Variants in CSMD3 observed in about 807,000 individuals in gnomAD.
CSMD3 encodes CUB and sushi domain-containing protein 3.
In CSMD3, 177 loss-of-function variants were observed where a neutral mutation model predicts 435.2. The ratio of observed to expected loss-of-function variants is 0.41; its 90% CI spans 0.36 to 0.46. The LOEUF is 0.46. CSMD3 is among the 20% of genes least tolerant of loss of function. CSMD3 has a pLI of 0.34. For missense variants in CSMD3, 4,265 were observed against 4,504.6 expected, an observed-to-expected ratio of 0.95 and a Z score of 1.52; for synonymous variants, 1,656 against 1,520.5, an observed-to-expected ratio of 1.09 and a Z score of -2.07.
chr8:112,661,877 C>A (rs529192976), intron 17 of CSMD3, among the ~76,000 whole-genome samples: 1 of 152,014 alleles, frequency 6.6e-6, no homozygotes, highest in African/African-American at 2.4e-5. Flanking sequence ...TCCTACTCCC[C>A]AACATCACCC....
intron 13 of CSMD3, among the ~76,000 whole-genome samples, chr8:112,702,328 T>G (rs1215894271): frequency 6.6e-6 from 1 of 152,056 alleles, no homozygotes; most frequent in African/African-American, 2.4e-5. Flanking sequence ...GAAACAGTTG[T>G]GGAATGTATA....
At chr8:113,407,161 T>A (rs1490571392) in intron 1 of CSMD3, among the ~76,000 whole-genome samples, 1 of 152,192 alleles carries the variant, frequency 6.6e-6, no homozygotes, top group Non-Finnish European at 1.5e-5. Flanking sequence ...TCCACTTATG[T>A]TAGAAACTAT....
At chr8:112,571,861 C>T (rs1233630456) in intron 24 of CSMD3, among the ~76,000 whole-genome samples, 1 of 145,806 alleles carries the variant, frequency 6.9e-6, no homozygotes, top group Non-Finnish European at 1.5e-5. Context: ...AAGACTGAAA[C>T]TCTGTCTCAA....
chr8:112,918,169 C>T (rs1187138570), intron 10 of CSMD3, among the ~76,000 whole-genome samples: 1 of 151,714 alleles, frequency 6.6e-6, no homozygotes, highest in Admixed American at 6.6e-5. Context: ...TCTAGAATAC[C>T]TACTCATGTT....
At chr8:113,185,143 A>T (rs1385333572) in intron 3 of CSMD3, among the ~76,000 whole-genome samples, 2 of 152,006 alleles carry the variant, frequency 1.3e-5, no homozygotes, top group East Asian at 3.9e-4. Context: ...GTTAACTCAA[A>T]TTTTGCCAGA....
chr8:112,960,927 T>TA (rs1457910943), intron 7 of CSMD3, among the ~76,000 whole-genome samples: 20 of 151,744 alleles, frequency 1.3e-4, no homozygotes, highest in African/African-American at 4.8e-4. Flanking sequence ...TACATTTTTT[T>TA]AAATCTTAAA....
intron 4 of CSMD3, among the ~76,000 whole-genome samples, chr8:113,121,858 A>C (rs1365368300): frequency 6.6e-6 from 1 of 152,154 alleles, no homozygotes; most frequent in Non-Finnish European, 1.5e-5. Context: ...TATTTCTTCA[A>C]ATACCTCTTA....
intron 16 of CSMD3, among the ~76,000 whole-genome samples, chr8:112,678,678 C>A (rs2075819526): frequency 6.6e-6 from 1 of 150,870 alleles, no homozygotes; most frequent in Non-Finnish European, 1.5e-5. Flanking sequence ...ACAAAATGTT[C>A]TACCTTCTAA....
intron 58 of CSMD3, among the ~76,000 whole-genome samples, chr8:112,282,678 T>G (rs192430538): frequency 6.6e-6 from 1 of 152,164 alleles, no homozygotes; most frequent in Non-Finnish European, 1.5e-5. Flanking sequence ...ATACACAAAT[T>G]TCTCCTATCC....
At chr8:112,464,601 A>G (rs1817774998) in intron 32 of CSMD3, among the ~76,000 whole-genome samples, 1 of 152,208 alleles carries the variant, frequency 6.6e-6, no homozygotes, top group African/African-American at 2.4e-5. Flanking sequence ...TTGAAGAAAT[A>G]CAAAATTAAA....
chr8:112,751,625 T>C (rs1446245634), intron 13 of CSMD3, among the ~76,000 whole-genome samples: 1 of 145,340 alleles, frequency 6.9e-6, no homozygotes, highest in African/African-American at 2.5e-5. Flanking sequence ...ATAAGAAGTT[T>C]AGGTTTTTTT....
chr8:112,426,193 C>T (rs542833562), intron 32 of CSMD3, among the ~76,000 whole-genome samples: 5 of 151,848 alleles, frequency 3.3e-5, no homozygotes, highest in African/African-American at 1.2e-4. Context: ...TCAAGGACAA[C>T]AAATAAAATA....
intron 58 of CSMD3, among the ~76,000 whole-genome samples, chr8:112,285,849 G>A (rs769621381): frequency 2.6e-5 from 4 of 151,826 alleles, no homozygotes; most frequent in Admixed American, 6.6e-5. Flanking sequence ...ATCCGGAGTC[G>A]CTAGGACTAC....
Position 112,503,809 on chromosome 8 carries a change from T to G in CSMD3, c.5064A>C (p.Gly1688=), listed in dbSNP as rs1439832358. The part of the protein sequence containing the change: ...FRSDGSVSYT[G]FHLEYKAKLR... ...ATTTACCTTTGTATTCTAGATGAAA[T>G]CCAGTGTAACTAACAGATCCATCAC... Residue 1688 remains glycine (G), a synonymous_variant, in exon 30 of 71, where the codon GGA becomes GGC. Transcript: ENST00000297405. The G allele has an allele frequency of 6.2e-7, 1 of 1,610,774 alleles. No homozygotes were observed. The highest frequency in any genetic ancestry group is 2.2e-5 in the East Asian group (1 of 44,742).
chr8:112,469,250 T>A (rs957029181), intron 32 of CSMD3, among the ~76,000 whole-genome samples: 1 of 151,390 alleles, frequency 6.6e-6, no homozygotes, highest in Admixed American at 6.6e-5. Flanking sequence ...AAAACTGTCA[T>A]CTGTTCTTAC....
intron 3 of CSMD3, among the ~76,000 whole-genome samples, chr8:113,186,837 T>C (rs1351065180): frequency 6.6e-6 from 1 of 151,914 alleles, no homozygotes; most frequent in East Asian, 2.0e-4. Context: ...GTCCTCGTAG[T>C]TGTTGCTGGG....
At chr8:113,375,758 C>T (rs1471737800) in intron 1 of CSMD3, among the ~76,000 whole-genome samples, 1 of 151,640 alleles carries the variant, frequency 6.6e-6, no homozygotes, top group Non-Finnish European at 1.5e-5. Context: ...TTATGTAAGA[C>T]TAAAATATGA....
intron 1 of CSMD3, among the ~76,000 whole-genome samples, chr8:113,386,834 T>G (rs527911163): frequency 6.6e-6 from 1 of 151,984 alleles, no homozygotes; most frequent in African/African-American, 2.4e-5. Flanking sequence ...TGCAAACTAT[T>G]ACTTCAAATG....
At chr8:112,418,017 T>C (rs2130233114) in intron 32 of CSMD3, among the ~76,000 whole-genome samples, 1 of 152,308 alleles carries the variant, frequency 6.6e-6, no homozygotes, top group East Asian at 1.9e-4. Context: ...GTTTGCCACT[T>C]TGTTAAAAAT....
Sources: gnomAD v4.1 joint callset for allele counts (sites outside exome capture counted in the v4.1 genomes callset) on GRCh38, gnomAD v4.1.1 for gene constraint, MANE v1.5 for transcripts, NCBI Gene and HGNC (gene_info 2026-07-23, HGNC 2026-07-21) for gene names.